The following PCDHGB4 variants were observed in gnomAD, a reference collection of about 807,000 sequenced individuals.
PCDHGB4 encodes protocadherin gamma-B4.
Under a neutral mutation model 60.5 loss-of-function variants are expected in PCDHGB4, and 38 were observed. That is an observed-to-expected ratio of 0.63 (90% confidence interval 0.48 to 0.82). The LOEUF (loss-of-function observed/expected upper bound fraction) is 0.82. PCDHGB4 is among the 40% of genes least tolerant of loss of function. The pLI, the probability that PCDHGB4 is intolerant of heterozygous loss-of-function variation, is 0.00. For synonymous variants in PCDHGB4, 456 were observed against 509.7 expected, an observed-to-expected ratio of 0.89 and a Z score of 1.42; for missense variants, 1,109 against 1,209.6, an observed-to-expected ratio of 0.92 and a Z score of 1.23.
chr5:141,428,341 C>T, intron 1 of PCDHGB4: 1 of 602,086 alleles, frequency 1.7e-6, no homozygotes, highest in Non-Finnish European at 3.0e-6. Flanking sequence ...GCTCTTCTTC[C>T]TCGCAGTGAT....
intron 1 of PCDHGB4, among the ~76,000 whole-genome samples, chr5:141,451,571 A>G (rs2098719323): frequency 6.6e-6 from 1 of 152,188 alleles, no homozygotes; most frequent in Non-Finnish European, 1.5e-5. Context: ...CAATCTTTTT[A>G]TAAACCTAAT....
chr5:141,409,988 G>A (rs373071156), intron 1 of PCDHGB4: 43 of 1,613,160 alleles, frequency 2.7e-5, no homozygotes, highest in African/African-American at 5.3e-5. Context: ...AGCGGTGGAC[G>A]CCGACTCGGG....
chr5:141,427,220 T>G (rs1487350481), intron 1 of PCDHGB4: 1 of 456,710 alleles, frequency 2.2e-6, no homozygotes, highest in East Asian at 6.9e-5. Flanking sequence ...TTCGTAGCAG[T>G]TATACCATGA....
chr5:141,397,273 T>C (rs1324330524), intron 1 of PCDHGB4, among the ~76,000 whole-genome samples: 5 of 152,184 alleles, frequency 3.3e-5, no homozygotes, highest in Non-Finnish European at 1.5e-5. Flanking sequence ...CTACATCATA[T>C]GGGCAGTATA....
At chr5:141,507,084 T>G (rs2099858284) in intron 3 of PCDHGB4, 1 of 152,142 alleles carries the variant, frequency 6.6e-6, no homozygotes, top group African/African-American at 2.4e-5. Flanking sequence ...ACTCCTAAGT[T>G]TATGCTCTTT....
In PCDHGB4 at chr5:141,388,577, A is replaced by G; in HGVS notation, c.693A>G (p.Leu231=). The G allele has an allele frequency of 6.2e-7, 1 of 1,613,868 alleles. No individual in the cohort carries two copies. The highest frequency in any genetic ancestry group is 2.2e-5 in the East Asian group (1 of 44,882). ...PLSSTAQIHV[L]VTDANDNAPV... ...GCAGCACTGCACAGATACACGTTCT[A>G]GTGACTGATGCCAATGATAATGCTC... is the stretch of plus-strand genomic sequence containing the variant. Residue 231 remains leucine, a synonymous_variant, in exon 1 of 4, where the codon CTA becomes CTG. Transcript: ENST00000519479.
At chr5:141,415,881 T>C (rs1589997447) in intron 1 of PCDHGB4, 1 of 1,003,346 alleles carries the variant, frequency 1.0e-6, no homozygotes, top group Non-Finnish European at 1.3e-6. Context: ...GAGTACAATA[T>C]TGACAATTCC....
intron 1 of PCDHGB4, chr5:141,394,385 G>C: frequency 6.2e-7 from 1 of 1,614,206 alleles, no homozygotes. Context: ...ACTATGAGCA[G>C]ATCCGAGACC....
intron 1 of PCDHGB4, chr5:141,422,357 C>G: frequency 6.4e-7 from 1 of 1,557,656 alleles, no homozygotes; most frequent in African/African-American, 1.4e-5. Flanking sequence ...GATCAAGATT[C>G]TGGAGAAAAT....
intron 1 of PCDHGB4, chr5:141,419,932 C>T: frequency 6.2e-7 from 1 of 1,614,090 alleles, no homozygotes; most frequent in Non-Finnish European, 8.5e-7. Flanking sequence ...TGCAGTTTTA[C>T]CTGGTGGTGG....
Position 141,432,248 on chromosome 5 carries a change from C to T in PCDHGB4, c.2397+41967C>T. Reference sequence around the variant, plus strand: ...TTATTCCCTGGCTGAGAACACCATCCAAGGGGCAAGCCTATCGTCCTACGT... The same window carrying T: ...TTATTCCCTGGCTGAGAACACCATCTAAGGGGCAAGCCTATCGTCCTACGT... On this transcript the variant is annotated intron_variant, in intron 1 of 3. Transcript: ENST00000519479. This position sits in a 1 kb window ranked among gnomAD's most constrained non-coding sequence, Gnocchi z 6.0. 1.2e-6 allele frequency: 2 copies of T among 1,614,244 alleles called. No individual in the cohort carries two copies. Among genetic ancestry groups the T allele is most frequent in the South Asian group, 1.1e-5 (1 of 91,090 alleles).
Position 141,432,292 on chromosome 5 carries a change from T to C in PCDHGB4, c.2397+42011T>C, listed in dbSNP as rs1339412798. 2 of 1,614,078 alleles carry C rather than the reference T, an allele frequency of 1.2e-6. No individual in the cohort carries two copies. The highest frequency in any genetic ancestry group is 2.2e-5 in the East Asian group (1 of 44,888). On this transcript the variant is annotated intron_variant, in intron 1 of 3. Coordinates refer to ENST00000519479, the MANE Select transcript of PCDHGB4 (RefSeq NM_003736.4). The surrounding 1 kb of genome is among the most constrained non-coding windows in gnomAD (Gnocchi z 6.0). ...CCTACGTGTCCATCAACTCCGACAC[T>C]GGGGTACTGTATGCGCTGAGCTCCT...
At chr5:141,504,709 C>G (rs11743102) in intron 2 of PCDHGB4, among the ~76,000 whole-genome samples, 29,287 of 151,306 alleles carry the variant, frequency 0.19, 2,876 homozygotes, top group Middle Eastern at 0.24. Context: ...CTTCTATGGC[C>G]GTGGATTTTA....
At chr5:141,422,597 C>T in intron 1 of PCDHGB4, 1 of 1,614,102 alleles carries the variant, frequency 6.2e-7, no homozygotes, top group Non-Finnish European at 8.5e-7. Context: ...CCTCACTCCT[C>T]TTACTCTGCC....
In PCDHGB4 at chr5:141,404,331, A is replaced by G. The variant is rs201757016; in HGVS notation, c.2397+14050A>G. On this transcript the variant is annotated intron_variant, in intron 1 of 3. Coordinates refer to ENST00000519479, the MANE Select transcript of PCDHGB4 (RefSeq NM_003736.4). ...TTCTCTCAAGCCTCCTACTCAGTCT[A>G]CCTCCCGGAAAACAACGCCAGAGGT... 101 of 1,613,692 alleles carry G rather than the reference A, an allele frequency of 6.3e-5. 1 individual carries two copies. The highest frequency in any genetic ancestry group is 6.0e-4 in the African/African-American group (45 of 74,944).
intron 2 of PCDHGB4, among the ~76,000 whole-genome samples, chr5:141,503,072 C>T (rs2099817948): frequency 6.6e-6 from 1 of 151,728 alleles, no homozygotes; most frequent in Non-Finnish European, 1.5e-5. Flanking sequence ...TCAGAATGGT[C>T]TCGATCTCCT....
Position 141,511,378 on chromosome 5 carries a change from T to C in PCDHGB4, c.*205T>C. 1 of 1,202,114 alleles carries C rather than the reference T, an allele frequency of 8.3e-7. No homozygotes were observed. The highest frequency in any genetic ancestry group is 1.1e-6 in the Non-Finnish European group (1 of 882,194). The allele number at this position is 1,202,114 out of a possible 1,614,324, so 74.5% of individuals were successfully genotyped here. A position where few individuals can be genotyped will look rare whatever the true frequency, so the allele number is the denominator to read the frequency against. On this transcript the variant is annotated 3_prime_UTR_variant, in exon 4 of 4. Coordinates refer to ENST00000519479, the MANE Select transcript of PCDHGB4 (RefSeq NM_003736.4). ...AGGGGGTTGAATATGCAAAAGCAGT[T>C]CCGCTGGGAACCCCCATCCAATCAA...
chr5:141,488,014 C>T (rs2099670661), intron 1 of PCDHGB4, among the ~76,000 whole-genome samples: 1 of 152,120 alleles, frequency 6.6e-6, no homozygotes, highest in South Asian at 2.1e-4. Context: ...TCTGAAGTAC[C>T]TTAACTCTAG....
At chr5:141,435,010 G>A (rs2097736933) in intron 1 of PCDHGB4, among the ~76,000 whole-genome samples, 1 of 151,950 alleles carries the variant, frequency 6.6e-6, no homozygotes, top group Non-Finnish European at 1.5e-5. Flanking sequence ...ATTTATCAAT[G>A]ATAATGCTCT....
Sources: allele counts gnomAD v4.1 joint callset (sites outside exome capture counted in the v4.1 genomes callset), GRCh38; gene constraint gnomAD v4.1.1; non-coding constraint Gnocchi (gnomAD v3.1); transcripts MANE v1.5; gene names NCBI Gene and HGNC (gene_info 2026-07-23, HGNC 2026-07-21).